ADCY3: variants seen among roughly 807,000 people sequenced by gnomAD.
ADCY3 encodes the protein adenylate cyclase type 3.
ADCY3 carries 70 observed loss-of-function variants against 119.4 expected under a neutral mutation model. The ratio of observed to expected loss-of-function variants is 0.59; its 90% CI spans 0.48 to 0.72. The LOEUF is 0.72. ADCY3 is among the 30% of genes least tolerant of loss of function. The pLI, the probability that ADCY3 is intolerant of heterozygous loss-of-function variation, is 0.00. For missense variants in ADCY3, 1,238 were observed against 1,541.6 expected (o/e 0.80, Z 3.30); for synonymous variants, 672 against 621.4 (o/e 1.08, Z -1.21).
intron 11 of ADCY3, among the ~76,000 whole-genome samples, chr2:24,833,790 A>G (rs1669925294): frequency 6.6e-6 from 1 of 152,224 alleles, no homozygotes; most frequent in African/African-American, 2.4e-5. Context: ...CTCATTTCAC[A>G]GATGAGGAAA....
Position 24,834,415 on chromosome 2 carries a change from C to CGGGGGGCGG in ADCY3, c.1967+69_1967+70insCCGCCCCCC. On this transcript the variant is annotated intron_variant, in intron 11 of 21. Transcript: ENST00000679454. This position sits in a 1 kb window ranked among gnomAD's most constrained non-coding sequence, Gnocchi z 4.2. Reference sequence around the variant, plus strand: ...CAATGTCAGGCTCCCGCTGAGACACCTGCCCCCGCCCCCCGCCCGGCACCA... The same window carrying CGGGGGGCGG: ...CAATGTCAGGCTCCCGCTGAGACACCGGGGGGCGGTGCCCCCGCCCCCCGCCCGGCACCA... The CGGGGGGCGG allele has an allele frequency of 9.8e-7, 1 of 1,025,130 alleles. No individual in the cohort carries two copies. Among genetic ancestry groups the CGGGGGGCGG allele is most frequent in the Non-Finnish European group, 1.4e-6 (1 of 706,134 alleles). The allele number at this position is 1,025,130 out of a possible 1,614,324, so 63.5% of individuals were successfully genotyped here.
At chr2:24,881,372 C>T (rs1200564641) in intron 2 of ADCY3, among the ~76,000 whole-genome samples, 1 of 152,166 alleles carries the variant, frequency 6.6e-6, no homozygotes, top group South Asian at 2.1e-4. Flanking sequence ...CTGGCACCGA[C>T]GTTAGGACAG....
intron 16 of ADCY3, among the ~76,000 whole-genome samples, chr2:24,825,286 TCTTC>T (rs1486199182): frequency 2.0e-5 from 3 of 149,570 alleles, no homozygotes; most frequent in Admixed American, 1.3e-4. Flanking sequence ...CTCTTCCCTC[TCTTC>T]CTTCTCTTTT....
At chr2:24,889,261 G>T (rs1479451848) in intron 2 of ADCY3, among the ~76,000 whole-genome samples, 1 of 152,178 alleles carries the variant, frequency 6.6e-6, no homozygotes, top group African/African-American at 2.4e-5. Flanking sequence ...TGTATTTGAA[G>T]CAAGTTCTAG....
rs149277135 is a variant in ADCY3 at position 24,826,088 on chromosome 2, A to G, written c.2534T>C (p.Met845Thr). 65 of 1,613,958 alleles carry G rather than the reference A, an allele frequency of 4.0e-5. No homozygotes were observed. The highest frequency in any genetic ancestry group is 5.4e-5 in the Non-Finnish European group (64 of 1,180,002). ...LVPSKYSMTV[M>T]VFLMMLSFYY... ...GAAGCTGAGCATCATGAGGAACACCATCACCGTCATAGAGTACTTGGAAGG... is the reference window on the plus strand; with the variant it reads ...GAAGCTGAGCATCATGAGGAACACCGTCACCGTCATAGAGTACTTGGAAGG... Residue 845 changes from methionine to threonine, a missense_variant, in exon 16 of 22, where the codon ATG (methionine) becomes ACG (threonine). This residue lies in a region of ADCY3 where 499 missense variants were observed against 571.0 expected (regional missense o/e 0.87). Coordinates refer to ENST00000679454, the MANE Select transcript of ADCY3 (RefSeq NM_004036.5).
chr2:24,863,914 G>T (rs1278552480), intron 3 of ADCY3, among the ~76,000 whole-genome samples: 4 of 152,164 alleles, frequency 2.6e-5, no homozygotes, highest in Admixed American at 2.6e-4. Flanking sequence ...AAGCAATGAG[G>T]TATTTTCTAG....
chr2:24,917,997 G>A (rs1367477919), intron 2 of ADCY3, among the ~76,000 whole-genome samples: 1 of 152,172 alleles, frequency 6.6e-6, no homozygotes, highest in East Asian at 1.9e-4. Context: ...TCACTGACAG[G>A]GAATGGCCAG....
intron 2 of ADCY3, among the ~76,000 whole-genome samples, chr2:24,883,996 C>CT (rs1676714675): frequency 6.6e-6 from 1 of 152,218 alleles, no homozygotes; most frequent in African/African-American, 2.4e-5. Flanking sequence ...TGAATCACAG[C>CT]TTTCTCCTGG....
intron 2 of ADCY3, among the ~76,000 whole-genome samples, chr2:24,906,735 T>C (rs530492855): frequency 5.3e-5 from 8 of 152,332 alleles, no homozygotes; most frequent in Non-Finnish European, 1.0e-4. Flanking sequence ...CACATGGTAT[T>C]ACCACCCCCT....
intron 15 of ADCY3, 68 bp downstream of exon 15, chr2:24,827,478 C>T: frequency 6.6e-7 from 1 of 1,522,532 alleles, no homozygotes; most frequent in Non-Finnish European, 8.9e-7. Flanking sequence ...GGGCTTGGGC[C>T]TGTTATATTC....
At position 24,842,153 on chromosome 2, in the gene ADCY3, T is replaced by C; in HGVS notation, c.956+101A>G. On this transcript the variant is annotated intron_variant, in intron 4 of 21. Transcript: ENST00000679454. This position sits in a 1 kb window ranked among gnomAD's most constrained non-coding sequence, Gnocchi z 4.9. The stretch of plus-strand genomic sequence containing the variant: ...TGTGGGAGGCCTTGCTTCTAGTCCC[T>C]GGAAAACCTCTTGAAGCCCACAGCA... 1.3e-6 allele frequency: 2 copies of C among 1,547,532 alleles called. No individual in the cohort carries two copies. The highest frequency in any genetic ancestry group is 1.8e-6 in the Non-Finnish European group (2 of 1,141,314).
intron 3 of ADCY3, among the ~76,000 whole-genome samples, chr2:24,868,911 C>A (rs1176349899): frequency 5.9e-5 from 9 of 151,656 alleles, no homozygotes; most frequent in Non-Finnish European, 1.3e-4. Context: ...GTAGTCCCAG[C>A]TACTCGGGAG....
At chr2:24,821,852 T>C (rs916996709) in intron 19 of ADCY3, 2 of 621,112 alleles carry the variant, frequency 3.2e-6, no homozygotes, top group African/African-American at 1.9e-5. Context: ...GACTGGGCAA[T>C]TGAGCAGAGG....
At position 24,826,441 on chromosome 2, in the gene ADCY3, A is replaced by T. The variant is rs56681458; in HGVS notation, c.2496-315T>A. The T allele has an allele frequency of 4.6e-4, 120 of 261,278 alleles. 1 individual carries two copies. The East Asian group carries it at 9.5e-3, about 21-fold the overall frequency. The allele number at this position is 261,278 out of a possible 1,614,324, so 16.2% of individuals were successfully genotyped here. A position where few individuals can be genotyped will look rare whatever the true frequency, so the allele number is the denominator to read the frequency against. On this transcript the variant is annotated intron_variant, in intron 15 of 21. Coordinates refer to ENST00000679454, the MANE Select transcript of ADCY3 (RefSeq NM_004036.5). ...ACAGAGGTAGCTACAACCATGCAGG[A>T]ATTTGGAGAAGCAAGAGACATCAGT...
chr2:24,827,078 T>C (rs1668728539), intron 15 of ADCY3, among the ~76,000 whole-genome samples: 2 of 152,254 alleles, frequency 1.3e-5, no homozygotes, highest in Non-Finnish European at 2.9e-5. Flanking sequence ...TAGGTCATCT[T>C]TTTATTTCTA....
At chr2:24,905,662 C>T (rs553302384) in intron 2 of ADCY3, among the ~76,000 whole-genome samples, 1 of 152,298 alleles carries the variant, frequency 6.6e-6, no homozygotes, top group East Asian at 1.9e-4. Flanking sequence ...GGCTGCTCTT[C>T]CCTCCCTTGT....
intron 2 of ADCY3, among the ~76,000 whole-genome samples, chr2:24,900,946 T>A (rs1558515578): frequency 6.6e-6 from 1 of 152,116 alleles, no homozygotes; most frequent in Non-Finnish European, 1.5e-5. Flanking sequence ...GCACCTGTAA[T>A]CCCAGCTACT....
intron 8 of ADCY3, among the ~76,000 whole-genome samples, chr2:24,837,642 T>C (rs554900225): frequency 6.6e-6 from 1 of 152,266 alleles, no homozygotes; most frequent in Admixed American, 6.5e-5. Flanking sequence ...CTCTCATAAC[T>C]GGAGGAAAGG....
intron 3 of ADCY3, among the ~76,000 whole-genome samples, chr2:24,859,603 A>G (rs548776495): frequency 6.6e-6 from 1 of 152,352 alleles, no homozygotes; most frequent in South Asian, 2.1e-4. Flanking sequence ...CAGAAAAGCA[A>G]GAGATACAAT....
Sources: allele counts gnomAD v4.1 joint callset (sites outside exome capture counted in the v4.1 genomes callset), GRCh38; gene constraint gnomAD v4.1.1; regional missense constraint gnomAD v4.1.1; non-coding constraint Gnocchi (gnomAD v3.1); transcripts MANE v1.5; gene names NCBI Gene and HGNC (gene_info 2026-07-23, HGNC 2026-07-21).